The following PCDH11X variants were observed in gnomAD, a reference collection of about 807,000 sequenced individuals.
The protein encoded by PCDH11X is protocadherin 11 X-linked.
Under a neutral mutation model 53.3 loss-of-function variants are expected in PCDH11X, and 18 were observed. The observed-to-expected ratio is 0.34, with a 90% CI of 0.23 to 0.50. The LOEUF is 0.50. PCDH11X is among the 20% of genes least tolerant of loss of function. PCDH11X has a pLI of 0.98. For synonymous variants in PCDH11X, 279 were observed against 393.3 expected (o/e 0.71, Z 3.44); for missense variants, 570 against 1,032.4 (o/e 0.55, Z 6.14).
chrX:92,368,731 G>A (rs1362858787), intron 8 of PCDH11X, among the ~76,000 whole-genome samples: 3 of 110,453 alleles, frequency 2.7e-5, no homozygotes, highest in African/African-American at 9.9e-5. Flanking sequence ...CTGTTTGTTA[G>A]TTTTTCTTCT....
At chrX:92,178,135 A>G (rs2065939269) in intron 6 of PCDH11X, among the ~76,000 whole-genome samples, 1 of 111,463 alleles carries the variant, frequency 9.0e-6, no homozygotes, top group Non-Finnish European at 1.9e-5. Context: ...AACAAAAATA[A>G]TTGGAAATCT....
intron 10 of PCDH11X, among the ~76,000 whole-genome samples, chrX:92,477,414 A>G (rs1448067305): frequency 9.7e-6 from 1 of 103,225 alleles, no homozygotes; most frequent in African/African-American, 3.6e-5. Flanking sequence ...CTGCCAAGCT[A>G]TTGCTGATGT....
intron 8 of PCDH11X, among the ~76,000 whole-genome samples, chrX:92,281,926 C>A (rs780405105): frequency 1.8e-5 from 2 of 111,527 alleles, no homozygotes; most frequent in Non-Finnish European, 3.8e-5. Context: ...CAGATTTAGA[C>A]CTTATTCTAA....
intron 1 of PCDH11X, among the ~76,000 whole-genome samples, chrX:91,791,652 T>C (rs1935541603): frequency 9.5e-6 from 1 of 105,343 alleles, no homozygotes; most frequent in Admixed American, 1.0e-4. Flanking sequence ...GGGGCACGTA[T>C]AGCAGCCAAA....
chrX:92,556,430 C>G (rs2075047121), intron 10 of PCDH11X, among the ~76,000 whole-genome samples: 1 of 111,201 alleles, frequency 9.0e-6, no homozygotes, highest in African/African-American at 3.3e-5. Context: ...TCTATCTGTT[C>G]CAAGTGAGAG....
chrX:92,396,273 A>G (rs1364419445), intron 9 of PCDH11X, among the ~76,000 whole-genome samples: 2 of 105,338 alleles, frequency 1.9e-5, no homozygotes, highest in African/African-American at 6.9e-5. Context: ...GAAACGCAGA[A>G]TATGTGAATA....
Position 92,081,346 on chromosome X carries a change from CA to C in PCDH11X, c.3034-120025del, listed in dbSNP as rs1426223645. The stretch of plus-strand genomic sequence containing the variant: ...AGGAAACTTGAGAGAGATCTGACTC[CA>C]AAATGAAAACATGTGTCTCATGCAC... On this transcript the variant is annotated intron_variant, in intron 6 of 10. Transcript: ENST00000682573. 5.4e-5 allele frequency among the ~76,000 whole-genome samples: 6 copies of C among 110,230 alleles called. No individual in the cohort carries two copies. In the Admixed American group the frequency reaches 5.9e-4, roughly 11 times the overall value.
At chrX:92,122,659 G>A (rs1192798661) in intron 6 of PCDH11X, among the ~76,000 whole-genome samples, 1 of 111,941 alleles carries the variant, frequency 8.9e-6, no homozygotes, top group Admixed American at 9.5e-5. Context: ...TGGGCCAGGA[G>A]CAGGCAGTGG....
chrX:92,020,952 A>G (rs924917082), intron 6 of PCDH11X, among the ~76,000 whole-genome samples: 1 of 110,460 alleles, frequency 9.1e-6, no homozygotes, highest in Admixed American at 9.6e-5. Flanking sequence ...CAACTTCCCT[A>G]CAGAAGAGGG....
rs192758194 is a variant in PCDH11X, at chrX:92,484,527, C to G, written c.3367+16205C>G. ...AGGTGGTATCATATATATATATGTA[C>G]ATACCATGGAACACTACTCAGGCAT... is the stretch of plus-strand genomic sequence containing the variant. On this transcript the variant is annotated intron_variant, in intron 10 of 10. Coordinates refer to ENST00000682573, the MANE Select transcript of PCDH11X (RefSeq NM_032968.5). Among the ~76,000 whole-genome samples the G allele has an allele frequency of 6.5e-5, 7 of 107,784 alleles. No individual in the cohort carries two copies. The East Asian group carries it at 1.7e-3, about 27-fold the overall frequency. 93.6% of individuals were successfully genotyped at this position (107,784 alleles called of 115,157 possible). A position where few individuals can be genotyped will look rare whatever the true frequency, so the allele number is the denominator to read the frequency against.
chrX:92,099,933 C>T (rs956242366), intron 6 of PCDH11X, among the ~76,000 whole-genome samples: 1 of 110,602 alleles, frequency 9.0e-6, no homozygotes, highest in Non-Finnish European at 1.9e-5. Context: ...TTCAAGCAGC[C>T]AAGGATGAAT....
chrX:91,929,331 G>GTACA (rs1942046754), intron 6 of PCDH11X, among the ~76,000 whole-genome samples: 2 of 110,584 alleles, frequency 1.8e-5, no homozygotes, highest in Non-Finnish European at 3.8e-5. Context: ...AAGTAAAAGA[G>GTACA]TACACAAGGT....
intron 1 of PCDH11X, among the ~76,000 whole-genome samples, chrX:91,791,243 G>C (rs1487214208): frequency 1.8e-5 from 2 of 110,252 alleles, no homozygotes; most frequent in Non-Finnish European, 3.8e-5. Context: ...GTCTGTTCTT[G>C]CATTGCTATA....
rs942567640 is a variant in PCDH11X at position 92,223,288 on chromosome X, CTACCT to C, written c.3114+21835_3114+21839del. 2.7e-5 allele frequency among the ~76,000 whole-genome samples: 3 copies of C among 111,926 alleles called. No homozygotes were observed. In the Admixed American group the frequency reaches 2.9e-4, roughly 11 times the overall value. Reference sequence around the variant, plus strand: ...TGCTGTTTGCTTATGTGCTTAGCCACTACCTTCTTATTCATCTTTCAAAGCACCCA... The same window carrying C: ...TGCTGTTTGCTTATGTGCTTAGCCACTCTTATTCATCTTTCAAAGCACCCA... On this transcript the variant is annotated intron_variant, in intron 7 of 10. Coordinates refer to ENST00000682573, the MANE Select transcript of PCDH11X (RefSeq NM_032968.5).
intron 8 of PCDH11X, among the ~76,000 whole-genome samples, chrX:92,292,485 A>G (rs1423642722): frequency 1.8e-5 from 2 of 112,379 alleles, no homozygotes; most frequent in Non-Finnish European, 3.7e-5. Flanking sequence ...GAAAGAATTC[A>G]GAAGACTTTT....
At chrX:92,249,765 C>G (rs2067422515) in intron 7 of PCDH11X, among the ~76,000 whole-genome samples, 1 of 111,644 alleles carries the variant, frequency 9.0e-6, no homozygotes, top group Admixed American at 9.5e-5. Context: ...GTTTTTATCC[C>G]CTTTAATTTG....
At chrX:92,608,854 A>C (rs1198959059) in intron 10 of PCDH11X, among the ~76,000 whole-genome samples, 1 of 110,898 alleles carries the variant, frequency 9.0e-6, no homozygotes, top group Non-Finnish European at 1.9e-5. Context: ...TCATATAGAG[A>C]ACACTTTCAT....
intron 6 of PCDH11X, among the ~76,000 whole-genome samples, chrX:92,150,481 G>T (rs2065414118): frequency 9.3e-6 from 1 of 108,066 alleles, no homozygotes; most frequent in Non-Finnish European, 1.9e-5. Context: ...ATATATTCTG[G>T]ATACATTTAT....
chrX:92,071,764 T>C (rs2063705602), intron 6 of PCDH11X, among the ~76,000 whole-genome samples: 1 of 111,574 alleles, frequency 9.0e-6, no homozygotes, highest in African/African-American at 3.3e-5. Flanking sequence ...TCTTGCTTTC[T>C]CCCAAACAAA....
Sources: gnomAD v4.1 joint callset for allele counts (sites outside exome capture counted in the v4.1 genomes callset) on GRCh38, gnomAD v4.1.1 for gene constraint, MANE v1.5 for transcripts, NCBI Gene and HGNC (gene_info 2026-07-23, HGNC 2026-07-21) for gene names.